The following ACOT11 variants were observed in gnomAD, a reference collection of about 807,000 sequenced individuals.
ACOT11 encodes acyl-coenzyme A thioesterase 11.
A neutral mutation model predicts 77.5 loss-of-function variants in ACOT11; 69 were observed. The observed-to-expected ratio is 0.89, with a 90% confidence interval of 0.73 to 1.09. ACOT11 has a LOEUF of 1.09. Among genes scored for constraint, ACOT11 ranks in the 50% least tolerant of loss-of-function variants. The pLI, the probability that ACOT11 is intolerant of heterozygous loss-of-function variation, is 0.00. For missense variants in ACOT11, 766 were observed against 813.7 expected, an observed-to-expected ratio of 0.94 and a Z score of 0.71; for synonymous variants, 279 against 313.0, an observed-to-expected ratio of 0.89 and a Z score of 1.15.
intron 1 of ACOT11, among the ~76,000 whole-genome samples, chr1:54,576,900 G>A (rs575183962): frequency 2.0e-5 from 3 of 152,060 alleles, no homozygotes; most frequent in African/African-American, 4.8e-5. Context: ...AGACTCTCTG[G>A]TTAAATGCCC....
chr1:54,592,663 C>T (rs1654752543), intron 4 of ACOT11, 57 bp downstream of exon 4: 11 of 1,567,044 alleles, frequency 7.0e-6, no homozygotes, highest in South Asian at 1.1e-5. Context: ...TCTACCTCCT[C>T]TCTCCATTCT....
At chr1:54,615,457 C>T (rs1002306314) in intron 15 of ACOT11, among the ~76,000 whole-genome samples, 10 of 151,652 alleles carry the variant, frequency 6.6e-5, no homozygotes, top group Admixed American at 2.0e-4. Context: ...CCTTCAGGTG[C>T]GTGTGTGTGG....
intron 1 of ACOT11, among the ~76,000 whole-genome samples, chr1:54,583,080 C>T (rs1654376059): frequency 6.6e-6 from 1 of 152,138 alleles, no homozygotes; most frequent in Non-Finnish European, 1.5e-5. Flanking sequence ...GCAGTGGTTA[C>T]CATGGCGATG....
intron 1 of ACOT11, among the ~76,000 whole-genome samples, chr1:54,574,663 C>T (rs1279383832): frequency 6.6e-6 from 1 of 152,124 alleles, no homozygotes; most frequent in Non-Finnish European, 1.5e-5. Context: ...TGCCCAGAGA[C>T]CTCCCCATCA....
At chr1:54,549,058 T>C (rs1298847620) in intron 1 of ACOT11, among the ~76,000 whole-genome samples, 1 of 152,114 alleles carries the variant, frequency 6.6e-6, no homozygotes, top group Non-Finnish European at 1.5e-5. Context: ...GAAAAGCCTT[T>C]TTTTAAAGGG....
At chr1:54,565,683 C>T (rs934014626) in intron 1 of ACOT11, among the ~76,000 whole-genome samples, 1 of 152,164 alleles carries the variant, frequency 6.6e-6, no homozygotes, top group African/African-American at 2.4e-5. Flanking sequence ...TCATAGATTT[C>T]TGAAAAGGGA....
Position 54,605,152 on chromosome 1 carries a change from A to C in ACOT11, c.1313A>C (p.Gln438Pro), listed in dbSNP as rs749664709. The change falls in exon 13 of 16, where the codon CAG becomes CCG. Residue 438 changes from glutamine to proline, a missense_variant. Transcript: ENST00000343744. Reference protein sequence around the residue: ...MEMVVHVDAAQAFLLLSDLRQ... With the variant: ...MEMVVHVDAAPAFLLLSDLRQ... The stretch of plus-strand genomic sequence containing the variant: ...ATGGTGGTGCATGTGGATGCAGCCC[A>C]GGCCTTCCTGCTGCTCTCGGACCTG... 6.2e-7 allele frequency: 1 copy of C among 1,613,882 alleles called. No individual in the cohort carries two copies. Among genetic ancestry groups the C allele is most frequent in the African/African-American group, 1.3e-5 (1 of 74,936 alleles).
chr1:54,562,255 G>C (rs1653536576), intron 1 of ACOT11, among the ~76,000 whole-genome samples: 1 of 116,512 alleles, frequency 8.6e-6, no homozygotes, highest in Non-Finnish European at 1.8e-5. Context: ...GGGGCGGCTG[G>C]CCAGGCGGGG....
intron 1 of ACOT11, among the ~76,000 whole-genome samples, chr1:54,579,121 T>C (rs989874894): frequency 2.6e-5 from 4 of 152,234 alleles, no homozygotes; most frequent in African/African-American, 9.6e-5. Context: ...TGTATGACAA[T>C]CAGAAGCCTG....
At chr1:54,578,854 A>T (rs1324045389) in intron 1 of ACOT11, among the ~76,000 whole-genome samples, 19 of 151,966 alleles carry the variant, frequency 1.3e-4, no homozygotes, top group Admixed American at 1.2e-3. Flanking sequence ...TGAAAAAAAA[A>T]AGAATTGCTA....
At chr1:54,550,315 G>T (rs977532250) in intron 1 of ACOT11, among the ~76,000 whole-genome samples, 14 of 152,302 alleles carry the variant, frequency 9.2e-5, no homozygotes, top group African/African-American at 3.4e-4. Context: ...GGGAGTGGAA[G>T]TTGGGCTCTT....
chr1:54,572,885 C>G (rs1198273552), intron 1 of ACOT11: 31 of 973,268 alleles, frequency 3.2e-5, no homozygotes, highest in Non-Finnish European at 3.8e-5. Flanking sequence ...CTGAGAGAGG[C>G]CTGTCTAGCT....
At chr1:54,610,981 AC>A, downstream of ACOT11, 4 of 985,392 alleles carry the variant, frequency 4.1e-6, no homozygotes, top group Non-Finnish European at 4.8e-6. Context: ...CATTAGAGTA[AC>A]CAGCAGTGGA....
chr1:54,604,987 G>A (rs1003910125), intron 12 of ACOT11, 89 bp from the exon 13 acceptor site: 26 of 1,416,058 alleles, frequency 1.8e-5, no homozygotes, highest in Non-Finnish European at 2.3e-5. Context: ...CAAGTCAGCT[G>A]TAGCCCTGAG....
At chr1:54,602,179 T>C (rs72903812) in intron 9 of ACOT11, among the ~76,000 whole-genome samples, 2,373 of 152,276 alleles carry the variant, frequency 0.016, 69 homozygotes, top group African/African-American at 0.053. Context: ...AGGCAGGCCA[T>C]TGGGGTGCTG....
intron 3 of ACOT11, among the ~76,000 whole-genome samples, chr1:54,586,815 G>A (rs1654518311): frequency 6.6e-6 from 1 of 152,078 alleles, no homozygotes; most frequent in Non-Finnish European, 1.5e-5. Context: ...CCTCCCCATA[G>A]CTTTGCCCAT....
rs1221215807 is a variant in ACOT11 at position 54,548,351 on chromosome 1, G to T, written c.33+9G>T. ...GAAATCACCTGCGACGGGTATGGAG[G>T]GTGGGCTGGGGCAGCGGGAGGGCTC... On this transcript the variant is annotated intron_variant, in intron 1 of 15. Coordinates refer to ENST00000343744, the MANE Select transcript of ACOT11 (RefSeq NM_147161.4). The T allele has an allele frequency of 1.2e-6, 2 of 1,600,518 alleles. No individual in the cohort carries two copies. Among genetic ancestry groups the T allele is most frequent in the East Asian group, 2.3e-5 (1 of 44,384 alleles).
At chr1:54,558,411 A>G (rs1180688068) in intron 1 of ACOT11, among the ~76,000 whole-genome samples, 1 of 152,234 alleles carries the variant, frequency 6.6e-6, no homozygotes, top group African/African-American at 2.4e-5. Flanking sequence ...TGAGACAGAC[A>G]GGTTAAGTAA....
rs371203641 is a variant in ACOT11 at position 54,554,035 on chromosome 1, T to C, written c.33+5693T>C. Among the ~76,000 whole-genome samples the C allele has an allele frequency of 5.0e-4, 76 of 151,932 alleles. No individual in the cohort carries two copies. In the East Asian group the frequency reaches 0.013, roughly 25 times the overall value. On this transcript the variant is annotated intron_variant, in intron 1 of 15. Transcript: ENST00000343744. ...CAAAAACCACAAAAATTGCCAGGTG[T>C]GGTAGCACGCGCCTCTAGTCCCAGC...
Sources: gnomAD v4.1 joint callset for allele counts (sites outside exome capture counted in the v4.1 genomes callset) on GRCh38, gnomAD v4.1.1 for gene constraint, MANE v1.5 for transcripts, NCBI Gene and HGNC (gene_info 2026-07-23, HGNC 2026-07-21) for gene names.